Variants in FN3K observed in about 807,000 individuals in gnomAD.
FN3K encodes fructosamine-3-kinase.
In FN3K, 24 loss-of-function variants were observed where a neutral mutation model predicts 24.8. That is an observed-to-expected ratio of 0.97 (90% CI 0.70 to 1.36). The LOEUF (loss-of-function observed/expected upper bound fraction) is 1.36. Among genes scored for constraint, FN3K ranks in the 40% most tolerant of loss-of-function variants. FN3K has a pLI of 0.00. For synonymous variants in FN3K, 192 were observed against 175.2 expected, an observed-to-expected ratio of 1.10 and a Z score of -0.76; for missense variants, 449 against 416.7, an observed-to-expected ratio of 1.08 and a Z score of -0.67.
chr17:82,743,775 G>C (rs1267741824), intron 4 of FN3K, among the ~76,000 whole-genome samples: 2 of 152,266 alleles, frequency 1.3e-5, no homozygotes, highest in Non-Finnish European at 2.9e-5. Context: ...GAGCTTGTCA[G>C]CGGGGCAGCT....
chr17:82,748,848 T>C lies in FN3K; in HGVS notation c.469-7T>C. The C allele has an allele frequency of 1.2e-6, 2 of 1,605,788 alleles. No individual in the cohort carries two copies. The highest frequency in any genetic ancestry group is 1.7e-6 in the Non-Finnish European group (2 of 1,176,286). On this transcript the variant is annotated splice_region_variant and splice_polypyrimidine_tract_variant and intron_variant, in intron 4 of 5. Transcript: ENST00000300784. ...GCAACAGTGGCCTCTTTTCCCTTGTTGTCCAGGTGAATGAGTGGCAGGATG... is the reference window on the plus strand; with the variant it reads ...GCAACAGTGGCCTCTTTTCCCTTGTCGTCCAGGTGAATGAGTGGCAGGATG...
At chr17:82,749,069 C>G (rs776249376) in intron 5 of FN3K, 92 bp downstream of exon 5, 1 of 1,568,696 alleles carries the variant, frequency 6.4e-7, no homozygotes. Flanking sequence ...GGAGCTGGAG[C>G]AGGGAACACT....
Position 82,735,696 on chromosome 17 carries a change from C to T in FN3K, c.60C>T (p.Pro20=), listed in dbSNP as rs778789676. 34 of 1,544,404 alleles carry T rather than the reference C, an allele frequency of 2.2e-5. No homozygotes were observed. The highest frequency in any genetic ancestry group is 2.2e-5 in the Non-Finnish European group (25 of 1,147,480). ...RTATLRAFGG[P]GAGCISEGRA... is the part of the protein sequence containing the mutation. ...CGACCCTGCGGGCCTTCGGCGGCCC[C>T]GGCGCCGGCTGCATCAGCGAGGGCC... The change falls in exon 1 of 6, where the codon CCC becomes CCT. Residue 20 remains proline (P), a synonymous_variant. Coordinates refer to ENST00000300784, the MANE Select transcript of FN3K (RefSeq NM_022158.4).
At chr17:82,739,455 ATTTT>A (rs527397353) in intron 2 of FN3K, among the ~76,000 whole-genome samples, 4 of 100,200 alleles carry the variant, frequency 4.0e-5, no homozygotes, top group African/African-American at 1.1e-4. Flanking sequence ...TCACGCAGCT[ATTTT>A]TTTTTTTTTT....
intron 4 of FN3K, among the ~76,000 whole-genome samples, chr17:82,746,838 T>C (rs1273853185): frequency 6.6e-6 from 1 of 152,042 alleles, no homozygotes; most frequent in African/African-American, 2.4e-5. Context: ...CTTTTTATTG[T>C]TGTTGAGATG....
intron 4 of FN3K, among the ~76,000 whole-genome samples, chr17:82,747,262 A>G (rs1360924295): frequency 6.6e-6 from 1 of 152,232 alleles, no homozygotes; most frequent in Non-Finnish European, 1.5e-5. Context: ...GCATCTCACA[A>G]ATTATAAGTT....
chr17:82,748,142 C>CT (rs145352692), intron 4 of FN3K, among the ~76,000 whole-genome samples: 26,082 of 141,782 alleles, frequency 0.18, 2,751 homozygotes, highest in South Asian at 0.3. Flanking sequence ...CTCTAGCTTT[C>CT]TTTTTTTTTT....
Position 82,735,626 on chromosome 17 carries a change from C to T in FN3K, c.-11C>T, listed in dbSNP as rs777065071. ...GCTTCCGAGCGAGCAGAGTCCCGCGCCCCGCACTCCATGGAGCAGCTGCTG... is the reference window on the plus strand; with the variant it reads ...GCTTCCGAGCGAGCAGAGTCCCGCGTCCCGCACTCCATGGAGCAGCTGCTG... On this transcript the variant is annotated 5_prime_UTR_variant, in exon 1 of 6. Transcript: ENST00000300784. The T allele has an allele frequency of 7.2e-6, 11 of 1,519,598 alleles. No homozygotes were observed. The highest frequency in any genetic ancestry group is 5.7e-5 in the African/African-American group (4 of 69,596). The allele number at this position is 1,519,598 out of a possible 1,614,324, so 94.1% of individuals were successfully genotyped here.
In FN3K at chr17:82,748,944, C is replaced by G. The variant is rs2046984510; in HGVS notation, c.558C>G (p.Asp186Glu). ...ACCTCATTGAGAAGGACTATGCTGA[C>G]CGAGAGGCACGAGAACTCTGGTCCC... is the stretch of plus-strand genomic sequence containing the variant. ...QLDLIEKDYA[D>E]REARELWSRL... Residue 186 changes from aspartate to glutamate, a missense_variant, in exon 5 of 6, where the codon GAC (aspartate) becomes GAG (glutamate). Asp to Glu is a conservative substitution (Grantham distance 45). Coordinates refer to ENST00000300784, the MANE Select transcript of FN3K (RefSeq NM_022158.4). 1.9e-6 allele frequency: 3 copies of G among 1,614,050 alleles called. No individual in the cohort carries two copies. Among genetic ancestry groups the G allele is most frequent in the Non-Finnish European group, 1.7e-6 (2 of 1,180,040 alleles).
At chr17:82,746,091 C>T (rs1421980024) in intron 4 of FN3K, among the ~76,000 whole-genome samples, 1 of 51,210 alleles carries the variant, frequency 2.0e-5, no homozygotes, top group Non-Finnish European at 4.0e-5. Context: ...AAGACTCCGT[C>T]TCAAAAAAAA....
Position 82,750,926 on chromosome 17 carries a change from G to A in FN3K, c.*171G>A. On this transcript the variant is annotated 3_prime_UTR_variant, in exon 6 of 6. Coordinates refer to ENST00000300784, the MANE Select transcript of FN3K (RefSeq NM_022158.4). ...CTCCTGTCCCCGTCCCCCCGTCCCC[G>A]TCCCTCCATCCCTGTCCCCCGTCCC... 3.0e-6 allele frequency: 1 copy of A among 336,838 alleles called. No homozygotes were observed. The highest frequency in any genetic ancestry group is 2.3e-5 in the South Asian group (1 of 43,278). The allele number at this position is 336,838 out of a possible 1,614,324, so 20.9% of individuals were successfully genotyped here.
chr17:82,748,428 G>C (rs920901287), intron 4 of FN3K, among the ~76,000 whole-genome samples: 5 of 151,928 alleles, frequency 3.3e-5, no homozygotes, highest in Non-Finnish European at 7.4e-5. Context: ...AATTGCAGGC[G>C]TGAGCCACTG....
At chr17:82,743,613 T>C (rs960944320) in intron 4 of FN3K, among the ~76,000 whole-genome samples, 1 of 152,236 alleles carries the variant, frequency 6.6e-6, no homozygotes, top group Non-Finnish European at 1.5e-5. Flanking sequence ...GCTTGCCCCA[T>C]GCTCTGTACA....
At position 82,750,898 on chromosome 17, in the gene FN3K, ATCC is replaced by A; in HGVS notation, c.*148_*150del. On this transcript the variant is annotated 3_prime_UTR_variant, in exon 6 of 6. Coordinates refer to ENST00000300784, the MANE Select transcript of FN3K (RefSeq NM_022158.4). ...TCCGTCTCCATCCCCCCGTCCCCCC[ATCC>A]TCCTGTCCCCGTCCCCCCGTCCCCG... is the stretch of plus-strand genomic sequence containing the variant. 3.8e-6 allele frequency: 1 copy of A among 264,664 alleles called. No homozygotes were observed. Among genetic ancestry groups the A allele is most frequent in the Non-Finnish European group, 6.6e-6 (1 of 152,194 alleles). 16.4% of individuals were successfully genotyped at this position (264,664 alleles called of 1,614,324 possible). A position where few individuals can be genotyped will look rare whatever the true frequency, so the allele number is the denominator to read the frequency against.
rs185332543 is a variant in FN3K, at chr17:82,747,461, C to T, written c.469-1394C>T. On this transcript the variant is annotated intron_variant, in intron 4 of 5. Transcript: ENST00000300784. ...CTGTCACCAGGCTGGAGTGCAATGG[C>T]ACAATCTCAGCTCACTGCAACCTCT... Among the ~76,000 whole-genome samples, 6 of 152,154 alleles carry T rather than the reference C, an allele frequency of 3.9e-5. No homozygotes were observed. In the East Asian group the frequency reaches 9.7e-4, roughly 25 times the overall value.
intron 1 of FN3K, 88 bp from the exon 2 acceptor site, chr17:82,738,401 C>T (rs552001445): frequency 8.1e-5 from 127 of 1,563,862 alleles, no homozygotes; most frequent in Non-Finnish European, 1.1e-4. Flanking sequence ...GTCCTTGTGA[C>T]TCCCACGTGG....
chr17:82,744,895 C>T (rs1292457304), intron 4 of FN3K, among the ~76,000 whole-genome samples: 1 of 152,202 alleles, frequency 6.6e-6, no homozygotes, highest in African/African-American at 2.4e-5. Context: ...TATTGCTGCC[C>T]GCATGTCCCA....
intron 4 of FN3K, chr17:82,742,670 TG>T: frequency 4.4e-6 from 2 of 455,984 alleles, no homozygotes; most frequent in South Asian, 3.1e-5. Flanking sequence ...TTGAAATCTG[TG>T]AAGTTCCAAA....
At position 82,740,355 on chromosome 17, in the gene FN3K, G is replaced by A. The variant is rs570119077; in HGVS notation, c.294-408G>A. Among the ~76,000 whole-genome samples, 3 of 150,798 alleles carry A rather than the reference G, an allele frequency of 2.0e-5. 1 individual carries two copies. Among genetic ancestry groups the A allele is most frequent in the Admixed American group, 1.3e-4 (2 of 15,004 alleles). On this transcript the variant is annotated intron_variant, in intron 2 of 5. Coordinates refer to ENST00000300784, the MANE Select transcript of FN3K (RefSeq NM_022158.4). The stretch of plus-strand genomic sequence containing the variant: ...GAAAGAGTCTTTGCCAGTGCTGGGC[G>A]TGGTGGTTCACACCTGTAATCCCAG...
Sources: gnomAD v4.1 joint callset for allele counts (sites outside exome capture counted in the v4.1 genomes callset) on GRCh38, gnomAD v4.1.1 for gene constraint, MANE v1.5 for transcripts, NCBI Gene and HGNC (gene_info 2026-07-23, HGNC 2026-07-21) for gene names.